NRXN3: variants seen among roughly 807,000 people sequenced by gnomAD.
NRXN3 encodes the protein neurexin III.
Under a neutral mutation model 137.6 loss-of-function variants are expected in NRXN3, and 32 were observed. The ratio of observed to expected loss-of-function variants is 0.23; its 90% CI spans 0.18 to 0.31. The LOEUF (loss-of-function observed/expected upper bound fraction) is 0.31, where lower values mean the gene tolerates loss of function less well. Ranked by LOEUF, NRXN3 falls within the 10% of genes least tolerant of loss-of-function variation. The pLI, the probability that NRXN3 is intolerant of heterozygous loss-of-function variation, is 1.00. For missense variants in NRXN3, 1,574 were observed against 2,062.5 expected (o/e 0.76, Z 4.59); for synonymous variants, 798 against 784.5 (o/e 1.02, Z -0.29).
intron 15 of NRXN3, among the ~76,000 whole-genome samples, chr14:79,051,466 C>T (rs1435646830): frequency 6.6e-6 from 1 of 152,186 alleles, no homozygotes; most frequent in Non-Finnish European, 1.5e-5. Context: ...CAGGCTGGCT[C>T]CAGGGACTGC....
intron 16 of NRXN3, among the ~76,000 whole-genome samples, chr14:79,588,022 A>G (rs1313497188): frequency 6.6e-6 from 1 of 152,182 alleles, no homozygotes; most frequent in Non-Finnish European, 1.5e-5. Context: ...GTCACCTCTT[A>G]GTCATTCTCA....
intron 5 of NRXN3, chr14:78,649,280 G>A (rs759416850): frequency 1.1e-5 from 15 of 1,343,312 alleles, no homozygotes; most frequent in East Asian, 4.7e-5. Context: ...CTCAGGCATC[G>A]GACACGCTAT....
intron 13 of NRXN3, 85 bp downstream of exon 13, chr14:78,967,483 A>G (rs1041280987): frequency 1.1e-6 from 1 of 924,832 alleles, no homozygotes; most frequent in Non-Finnish European, 1.7e-6. Flanking sequence ...ACAGGTTCAG[A>G]GTGCCATGCA....
chr14:79,760,030 G>T (rs1298338489), intron 19 of NRXN3, among the ~76,000 whole-genome samples: 1 of 151,534 alleles, frequency 6.6e-6, no homozygotes, highest in Admixed American at 6.6e-5. Flanking sequence ...TTGGTCTACT[G>T]GGAAATTACC....
Position 78,846,406 on chromosome 14 carries a change from C to A in NRXN3, c.2275+36062C>A, listed in dbSNP as rs77730492. 8.5e-5 allele frequency among the ~76,000 whole-genome samples: 13 copies of A among 152,184 alleles called. No homozygotes were observed. In the East Asian group the frequency reaches 2.5e-3, roughly 29 times the overall value. On this transcript the variant is annotated intron_variant, in intron 10 of 20. Coordinates refer to ENST00000335750, the MANE Select transcript of NRXN3 (RefSeq NM_001330195.2). ...ATACAATGTAGTGGAGAACTGCATA[C>A]GGTTAATTATGACAATTACAATCAG...
At chr14:78,404,729 A>T (rs1218514082) in intron 4 of NRXN3, among the ~76,000 whole-genome samples, 1 of 152,226 alleles carries the variant, frequency 6.6e-6, no homozygotes, top group Non-Finnish European at 1.5e-5. Context: ...GTATCAAAAT[A>T]CATACTTTTG....
intron 15 of NRXN3, among the ~76,000 whole-genome samples, chr14:79,401,959 C>A (rs189766849): frequency 6.6e-6 from 1 of 152,160 alleles, no homozygotes; most frequent in African/African-American, 2.4e-5. Context: ...CTCTGTCACC[C>A]AGGCTGGAGT....
intron 15 of NRXN3, among the ~76,000 whole-genome samples, chr14:79,040,708 A>C (rs1475471586): frequency 6.6e-6 from 1 of 152,102 alleles, no homozygotes; most frequent in Non-Finnish European, 1.5e-5. Flanking sequence ...TGCCATTTTT[A>C]CAGTTGAATG....
chr14:79,303,280 C>G (rs1566733366), intron 15 of NRXN3, among the ~76,000 whole-genome samples: 1 of 152,026 alleles, frequency 6.6e-6, no homozygotes, highest in Non-Finnish European at 1.5e-5. Flanking sequence ...AAAATACCAG[C>G]TACTTGATCT....
At chr14:78,929,680 G>A (rs535880850) in intron 10 of NRXN3, among the ~76,000 whole-genome samples, 96 of 152,118 alleles carry the variant, frequency 6.3e-4, no homozygotes, top group Middle Eastern at 6.8e-3. Flanking sequence ...TTTATAATAG[G>A]ATGATTTATA....
chr14:78,294,999 G>A (rs1189375164), intron 3 of NRXN3, among the ~76,000 whole-genome samples: 1 of 152,208 alleles, frequency 6.6e-6, no homozygotes, highest in Non-Finnish European at 1.5e-5. Flanking sequence ...AGGGGCTTGA[G>A]ATTTTTAGCA....
intron 15 of NRXN3, among the ~76,000 whole-genome samples, chr14:79,244,918 A>G (rs530653085): frequency 2.0e-4 from 30 of 152,220 alleles, no homozygotes; most frequent in Admixed American, 1.2e-3. Context: ...GTTTCGCTCT[A>G]TTTTCACTAA....
intron 10 of NRXN3, among the ~76,000 whole-genome samples, chr14:78,930,169 G>A (rs921869241): frequency 2.6e-5 from 4 of 152,276 alleles, no homozygotes; most frequent in African/African-American, 2.4e-5. Flanking sequence ...ATAGACCAAT[G>A]TCAGTGGAGG....
intron 16 of NRXN3, among the ~76,000 whole-genome samples, chr14:79,559,033 T>C (rs953026864): frequency 2.0e-5 from 3 of 152,186 alleles, no homozygotes; most frequent in African/African-American, 7.2e-5. Context: ...CTTCATAGAC[T>C]TGAAGAGAGC....
At chr14:78,618,106 G>A (rs533030778) in intron 4 of NRXN3, among the ~76,000 whole-genome samples, 1 of 151,920 alleles carries the variant, frequency 6.6e-6, no homozygotes, top group South Asian at 2.1e-4. Flanking sequence ...ATTTGTACTT[G>A]TGTTAGTGTT....
intron 15 of NRXN3, among the ~76,000 whole-genome samples, chr14:79,406,184 C>G (rs1373307558): frequency 6.6e-6 from 1 of 151,928 alleles, no homozygotes; most frequent in East Asian, 1.9e-4. Flanking sequence ...ATGACCAAGC[C>G]CTACATTCCC....
chr14:78,538,522 A>G (rs941727802), intron 4 of NRXN3, among the ~76,000 whole-genome samples: 1 of 152,150 alleles, frequency 6.6e-6, no homozygotes, highest in Non-Finnish European at 1.5e-5. Context: ...GGCTGAGACG[A>G]TGGGGTTTTC....
chr14:78,746,535 G>A (rs2098608254), intron 8 of NRXN3, among the ~76,000 whole-genome samples: 1 of 152,182 alleles, frequency 6.6e-6, no homozygotes, highest in African/African-American at 2.4e-5. Flanking sequence ...CGAGTGTCTT[G>A]ATGTGTCAAA....
intron 17 of NRXN3, among the ~76,000 whole-genome samples, chr14:79,681,852 A>G (rs2098672234): frequency 6.6e-6 from 1 of 152,052 alleles, no homozygotes; most frequent in South Asian, 2.1e-4. Context: ...TCAGGTCTCA[A>G]GCTGTGGTTG....
Sources: gnomAD v4.1 joint callset for allele counts (sites outside exome capture counted in the v4.1 genomes callset) on GRCh38, gnomAD v4.1.1 for gene constraint, MANE v1.5 for transcripts, NCBI Gene and HGNC (gene_info 2026-07-23, HGNC 2026-07-21) for gene names.